LARGE1: variants seen among roughly 807,000 people sequenced by gnomAD.
LARGE1 encodes xylosyl- and glucuronyltransferase LARGE1.
In LARGE1, 43 loss-of-function variants were observed where a neutral mutation model predicts 87.6. The observed-to-expected ratio is 0.49, with a 90% CI of 0.38 to 0.63. The LOEUF (loss-of-function observed/expected upper bound fraction) is 0.63, where lower values mean the gene tolerates loss of function less well. Among genes scored for constraint, LARGE1 ranks in the 30% least tolerant of loss-of-function variants. The probability of loss-of-function intolerance (pLI) is 0.00; values close to 1 mark genes in which losing one functional copy is unlikely to be tolerated. For missense variants in LARGE1, 802 were observed against 1,000.2 expected, an observed-to-expected ratio of 0.80 and a Z score of 2.67; for synonymous variants, 434 against 394.6, an observed-to-expected ratio of 1.10 and a Z score of -1.18.
rs1467865251 is a variant in LARGE1 at position 33,650,267 on chromosome 22, A to G, written c.408+100T>C. 9 of 1,435,638 alleles carry G rather than the reference A, an allele frequency of 6.3e-6. No individual in the cohort carries two copies. In the East Asian group the frequency reaches 1.8e-4, roughly 29 times the overall value. The allele number at this position is 1,435,638 out of a possible 1,614,324, so 88.9% of individuals were successfully genotyped here. On this transcript the variant is annotated intron_variant, in intron 3 of 14. Transcript: ENST00000397394. ...CACCCGGGCTAGAATCAAGAATGCC[A>G]GCTCTTGGCATCTGGCTGTGTTTCC... is the stretch of plus-strand genomic sequence containing the variant.
downstream of LARGE1, among the ~76,000 whole-genome samples, chr22:33,158,240 C>G (rs1016869193): frequency 1.3e-5 from 2 of 151,950 alleles, no homozygotes; most frequent in African/African-American, 2.4e-5. Context: ...CTATACATTG[C>G]AACAGCATTC....
intron 2 of LARGE1, among the ~76,000 whole-genome samples, chr22:33,714,124 T>C (rs2082841363): frequency 6.6e-6 from 1 of 152,118 alleles, no homozygotes; most frequent in Non-Finnish European, 1.5e-5. Context: ...TCCTACCAAG[T>C]TGGCTACTAC....
chr22:33,257,488 G>A (rs1927373498), intron 11 of LARGE1, among the ~76,000 whole-genome samples: 1 of 152,050 alleles, frequency 6.6e-6, no homozygotes, highest in Non-Finnish European at 1.5e-5. Flanking sequence ...AGGGGGGTGG[G>A]AGGGAATGAG....
At chr22:33,743,591 G>C (rs1345466932) in intron 2 of LARGE1, among the ~76,000 whole-genome samples, 1 of 152,162 alleles carries the variant, frequency 6.6e-6, no homozygotes, top group Non-Finnish European at 1.5e-5. Flanking sequence ...GTAAAAGTAT[G>C]TTGGCTACCC....
At chr22:33,910,832 C>T (rs1450575464) in intron 1 of LARGE1, among the ~76,000 whole-genome samples, 1 of 152,132 alleles carries the variant, frequency 6.6e-6, no homozygotes, top group African/African-American at 2.4e-5. Flanking sequence ...TTAGGTGAAG[C>T]CTAGTAGGCT....
chr22:33,865,390 G>A (rs941511265), intron 1 of LARGE1, among the ~76,000 whole-genome samples: 5 of 152,136 alleles, frequency 3.3e-5, no homozygotes, highest in African/African-American at 1.2e-4. Context: ...GAATATTGGC[G>A]TCTTTTTCTT....
intron 9 of LARGE1, among the ~76,000 whole-genome samples, chr22:33,368,039 T>C (rs1227158778): frequency 6.6e-6 from 1 of 152,200 alleles, no homozygotes; most frequent in African/African-American, 2.4e-5. Context: ...TATAGTATAA[T>C]ATCATTCTTT....
At chr22:33,878,125 A>ATTTTTTTTTTTTTTT (rs1601836110) in intron 1 of LARGE1, among the ~76,000 whole-genome samples, 11 of 51,230 alleles carry the variant, frequency 2.1e-4, no homozygotes, top group Non-Finnish European at 2.8e-4. Context: ...TTTATATTGT[A>ATTTTTTTTTTTTTTT]TTTCTTTTTT....
At chr22:33,442,394 C>T (rs1456765338) in intron 6 of LARGE1, among the ~76,000 whole-genome samples, 3 of 152,206 alleles carry the variant, frequency 2.0e-5, no homozygotes, top group African/African-American at 7.2e-5. Context: ...ATTTGCCAGG[C>T]TCTGCCTCAA....
At chr22:33,083,368 GA>G in the LARGE1 span, among the ~76,000 whole-genome samples, 1 of 152,214 alleles carries the variant, frequency 6.6e-6, no homozygotes, top group East Asian at 1.9e-4. Context: ...CCTGCTGATG[GA>G]ATTTGTCTTC....
chr22:33,875,348 C>T (rs972429404), intron 1 of LARGE1, among the ~76,000 whole-genome samples: 5 of 152,174 alleles, frequency 3.3e-5, no homozygotes, highest in Non-Finnish European at 7.3e-5. Context: ...TGTCTCCATC[C>T]CAGAATTGTT....
chr22:33,721,061 A>C (rs2083080890), intron 2 of LARGE1, among the ~76,000 whole-genome samples: 1 of 152,256 alleles, frequency 6.6e-6, no homozygotes, highest in Non-Finnish European at 1.5e-5. Flanking sequence ...TGGAAAACAA[A>C]GAAATGGAGG....
downstream of LARGE1, among the ~76,000 whole-genome samples, chr22:33,160,191 C>T (rs16991896): frequency 9.3e-3 from 1,422 of 152,278 alleles, 30 homozygotes; most frequent in African/African-American, 0.033. Flanking sequence ...GTTCTAAATG[C>T]TGAGCAAATC....
intron 7 of LARGE1, among the ~76,000 whole-genome samples, chr22:33,392,486 CT>C (rs2065566828): frequency 6.6e-6 from 1 of 152,086 alleles, no homozygotes; most frequent in African/African-American, 2.4e-5. Context: ...CGGCAAAACC[CT>C]GTCTCTACTA....
intron 1 of LARGE1, among the ~76,000 whole-genome samples, chr22:33,863,691 C>T (rs1229498666): frequency 6.6e-6 from 1 of 151,922 alleles, no homozygotes; most frequent in Non-Finnish European, 1.5e-5. Flanking sequence ...TCACTTGAAC[C>T]CAGGAGGCGG....
At chr22:33,320,300 G>A (rs1032260296) in intron 10 of LARGE1, among the ~76,000 whole-genome samples, 3 of 151,842 alleles carry the variant, frequency 2.0e-5, no homozygotes, top group Middle Eastern at 3.2e-3. Flanking sequence ...CTTCCCTCTC[G>A]GGGATGCCCT....
chr22:33,288,747 G>A (rs980189695), intron 12 of LARGE1, among the ~76,000 whole-genome samples: 1 of 152,030 alleles, frequency 6.6e-6, no homozygotes, highest in Non-Finnish European at 1.5e-5. Context: ...AAGCTCTATT[G>A]ATGTCCTTCT....
chr22:33,652,668 C>T (rs1602993011), intron 2 of LARGE1, among the ~76,000 whole-genome samples: 1 of 152,200 alleles, frequency 6.6e-6, no homozygotes, highest in East Asian at 1.9e-4. Flanking sequence ...GCCCAGACCC[C>T]TGAGCTTCAA....
At chr22:33,469,711 C>T (rs375626320) in intron 6 of LARGE1, among the ~76,000 whole-genome samples, 21 of 151,580 alleles carry the variant, frequency 1.4e-4, no homozygotes, top group African/African-American at 4.8e-4. Context: ...ACCTGTAATT[C>T]CAGCTACTCG....
Sources: gnomAD v4.1 joint callset for allele counts (sites outside exome capture counted in the v4.1 genomes callset) on GRCh38, gnomAD v4.1.1 for gene constraint, MANE v1.5 for transcripts, NCBI Gene and HGNC (gene_info 2026-07-23, HGNC 2026-07-21) for gene names.